Variants in TCF4 observed in about 807,000 individuals in gnomAD.
TCF4 encodes SL3-3 enhancer factor 2.
In TCF4, 3 loss-of-function variants were observed where a neutral mutation model predicts 82.1. The ratio of observed to expected loss-of-function variants is 0.04; its 90% CI spans 0.02 to 0.09. TCF4 has a LOEUF of 0.09. Among genes scored for constraint, TCF4 ranks in the 10% least tolerant of loss-of-function variants. The pLI, the probability that TCF4 is intolerant of heterozygous loss-of-function variation, is 1.00. For synonymous variants in TCF4, 276 were observed against 309.6 expected, an observed-to-expected ratio of 0.89 and a Z score of 1.14; for missense variants, 518 against 852.7, an observed-to-expected ratio of 0.61 and a Z score of 4.89.
intron 5 of TCF4, among the ~76,000 whole-genome samples, chr18:55,412,088 T>A (rs2094367889): frequency 6.6e-6 from 1 of 152,124 alleles, no homozygotes; most frequent in South Asian, 2.1e-4. Flanking sequence ...TCTGACCAGC[T>A]AGGGAGACAA....
intron 3 of TCF4, among the ~76,000 whole-genome samples, chr18:55,516,389 T>C (rs2096881977): frequency 1.3e-5 from 2 of 152,060 alleles, no homozygotes; most frequent in Non-Finnish European, 2.9e-5. Flanking sequence ...TTTGGGTTTT[T>C]TTTTAAAGGT....
intron 3 of TCF4, among the ~76,000 whole-genome samples, chr18:55,536,259 T>C (rs924065982): frequency 2.0e-5 from 3 of 152,170 alleles, no homozygotes; most frequent in Non-Finnish European, 4.4e-5. Context: ...TTTCCTACTA[T>C]AAATTACAGA....
intron 6 of TCF4, among the ~76,000 whole-genome samples, chr18:55,390,701 AG>A (rs886735037): frequency 6.6e-6 from 1 of 152,242 alleles, no homozygotes; most frequent in African/African-American, 2.4e-5. Flanking sequence ...TTTAGAGGCT[AG>A]TACAATTACC....
intron 13 of TCF4, among the ~76,000 whole-genome samples, chr18:55,258,233 TTTC>T (rs750362561): frequency 1.2e-4 from 18 of 152,290 alleles, no homozygotes; most frequent in Non-Finnish European, 1.9e-4. Flanking sequence ...TTCAATTACT[TTTC>T]TTGACAGAAT....
intron 3 of TCF4, among the ~76,000 whole-genome samples, chr18:55,577,720 A>G (rs1282219229): frequency 6.6e-6 from 1 of 152,048 alleles, no homozygotes; most frequent in Non-Finnish European, 1.5e-5. Context: ...TCAGCTAAGT[A>G]CCCCCCAAAA....
rs1376535261 is a variant in TCF4 at position 55,225,598 on chromosome 18, C to A, written c.*2437G>T. 1 of 152,430 alleles carries A rather than the reference C, an allele frequency of 6.6e-6. No individual in the cohort carries two copies. The highest frequency in any genetic ancestry group is 2.4e-5 in the African/African-American group (1 of 41,374). 9.4% of individuals were successfully genotyped at this position (152,430 alleles called of 1,614,324 possible). A position where few individuals can be genotyped will look rare whatever the true frequency, so the allele number is the denominator to read the frequency against. On this transcript the variant is annotated 3_prime_UTR_variant, in exon 20 of 20. Transcript: ENST00000354452. ...TATACAAAATGAGTGCAGAATGTAC[C>A]ACTAAAAGGAAATCTTTAACATACG...
rs535955363 is a variant in TCF4, at chr18:55,500,705, A to G, written c.146-36568T>C. 6.6e-5 allele frequency among the ~76,000 whole-genome samples: 10 copies of G among 152,296 alleles called. No homozygotes were observed. The East Asian group carries it at 1.5e-3, about 24-fold the overall frequency. On this transcript the variant is annotated intron_variant, in intron 3 of 19. Transcript: ENST00000354452. The stretch of plus-strand genomic sequence containing the variant: ...ATAAGGGAAAACTTTCTCTTTTTTC[A>G]AAGTGTTTAATTCTTTTAACATATA...
intron 2 of TCF4, among the ~76,000 whole-genome samples, chr18:55,608,369 A>AT (rs746413576): frequency 0.33 from 39,091 of 117,192 alleles, 6,845 homozygotes; most frequent in East Asian, 0.46. Context: ...TTGCCACAGT[A>AT]TTTTTTTTTT....
intron 8 of TCF4, among the ~76,000 whole-genome samples, chr18:55,333,463 A>C (rs565324396): frequency 6.6e-6 from 1 of 152,206 alleles, no homozygotes; most frequent in African/African-American, 2.4e-5. Flanking sequence ...AAAAAAACAA[A>C]ACAAAACAGA....
At chr18:55,234,758 C>T in intron 15 of TCF4, 75 bp from the exon 16 acceptor site, 2 of 1,603,694 alleles carry the variant, frequency 1.2e-6, no homozygotes, top group Non-Finnish European at 1.7e-6. Context: ...GCCAAGAGGA[C>T]CTGATGAAGG....
exon 1 of TCF4, chr18:55,635,899 G>T (rs533992318): frequency 1.3e-6 from 2 of 1,570,532 alleles, no homozygotes; most frequent in Non-Finnish European, 1.7e-6. Context: ...AGAAAACATG[G>T]TGTTGTTCCT....
At chr18:55,506,559 C>T (rs979178432) in intron 3 of TCF4, among the ~76,000 whole-genome samples, 3 of 152,124 alleles carry the variant, frequency 2.0e-5, no homozygotes, top group African/African-American at 7.2e-5. Context: ...ACATGCAACA[C>T]ACACACACAC....
intron 17 of TCF4, chr18:55,231,524 C>T (rs1170527266): frequency 6.6e-6 from 1 of 152,174 alleles, no homozygotes; most frequent in East Asian, 1.9e-4. Context: ...CATTAACATG[C>T]ATAAGTTTGG....
intron 3 of TCF4, chr18:55,510,682 A>AC (rs2096818062): frequency 6.8e-7 from 1 of 1,470,276 alleles, no homozygotes; most frequent in Non-Finnish European, 9.0e-7. Flanking sequence ...AAGTTTGTGA[A>AC]CTGAGACCTC....
intron 6 of TCF4, among the ~76,000 whole-genome samples, chr18:55,399,874 TCTCTCTCACACACACACACA>T (rs1472686943): frequency 3.8e-5 from 5 of 130,038 alleles, no homozygotes; most frequent in African/African-American, 1.6e-4. Flanking sequence ...TCTCTCTCTC[TCTCTCTCACACACACACACA>T]CACACACACA....
intron 8 of TCF4, among the ~76,000 whole-genome samples, chr18:55,292,951 T>C (rs1044883249): frequency 6.6e-6 from 1 of 151,980 alleles, no homozygotes; most frequent in African/African-American, 2.4e-5. Flanking sequence ...AAATTAAAGG[T>C]TTATAAAGCC....
intron 8 of TCF4, chr18:55,322,438 A>C (rs1019248495): frequency 2.7e-4 from 269 of 1,007,846 alleles, no homozygotes; most frequent in Admixed American, 3.0e-4. Context: ...AAAAAAAAAA[A>C]AAAAAAAAAA....
chr18:55,400,866 AG>A, intron 6 of TCF4: 2 of 878,656 alleles, frequency 2.3e-6, no homozygotes, highest in Non-Finnish European at 3.2e-6. Context: ...TTAAGTCCAT[AG>A]GATACACTGT....
At chr18:55,364,965 C>T (rs940062462) in intron 6 of TCF4, among the ~76,000 whole-genome samples, 3 of 151,398 alleles carry the variant, frequency 2.0e-5, no homozygotes, top group South Asian at 2.1e-4. Flanking sequence ...CGAGACCATC[C>T]TAATACGGTG....
Sources: allele counts gnomAD v4.1 joint callset (sites outside exome capture counted in the v4.1 genomes callset), GRCh38; gene constraint gnomAD v4.1.1; transcripts MANE v1.5; gene names NCBI Gene and HGNC (gene_info 2026-07-23, HGNC 2026-07-21).